MUS81: variants seen among roughly 807,000 people sequenced by gnomAD.
MUS81 encodes MUS81 structure-specific endonuclease subunit, also known as structure-specific endonuclease subunit MUS81.
Under a neutral mutation model 74.2 loss-of-function variants are expected in MUS81, and 69 were observed. That is an observed-to-expected ratio of 0.93 (90% CI 0.77 to 1.14). The LOEUF is 1.14. Among genes scored for constraint, MUS81 ranks in the 50% most tolerant of loss-of-function variants. The pLI, the probability that MUS81 is intolerant of heterozygous loss-of-function variation, is 0.00. For synonymous variants in MUS81, 303 were observed against 300.6 expected (o/e 1.01, Z -0.08); for missense variants, 711 against 726.5 (o/e 0.98, Z 0.25).
intron 12 of MUS81, 82 bp downstream of exon 12, chr11:65,864,897 A>C (rs1302091820): frequency 8.9e-6 from 14 of 1,579,692 alleles, no homozygotes; most frequent in Admixed American, 1.7e-5. Context: ...TCCCCAAAAG[A>C]AGCAAGGTGG....
intron 7 of MUS81, 66 bp downstream of exon 7, chr11:65,863,271 C>T (rs940802924): frequency 3.4e-5 from 54 of 1,578,610 alleles, no homozygotes; most frequent in East Asian, 2.0e-4. Flanking sequence ...GCCAAAGCCC[C>T]GCCCCAACCC....
chr11:65,864,106 C>A, intron 10 of MUS81: 1 of 616,216 alleles, frequency 1.6e-6, no homozygotes, highest in Non-Finnish European at 2.9e-6. Flanking sequence ...CATTCTTGGG[C>A]TGAGGTCAGG....
intron 14 of MUS81, 95 bp downstream of exon 14, chr11:65,865,418 T>G: frequency 7.8e-7 from 1 of 1,275,666 alleles, no homozygotes. Context: ...CCTGGCCTTG[T>G]GTGGGCTCTG....
rs1280075582 is a variant in MUS81, at chr11:65,864,498, TC to T, written c.1063del (p.Arg355GlyfsTer2). 4 of 1,613,900 alleles carry T rather than the reference TC, an allele frequency of 2.5e-6. No homozygotes were observed. Among genetic ancestry groups the T allele is most frequent in the Non-Finnish European group, 3.4e-6 (4 of 1,179,774 alleles). On this transcript the variant is annotated frameshift_variant and splice_region_variant, in exon 11 of 16. Coordinates refer to ENST00000308110, the MANE Select transcript of MUS81 (RefSeq NM_025128.5). LOFTEE classifies it high-confidence loss of function. ...TGTCCACTCTGTACACTTCCCTAGT[TC>T]CGGCTGAAGCGCTGTGGTCTGGAGC... ...IIDGRFREQK[F>X]RLKRCGLERR...
chr11:65,860,331 AGGTTAGTCC>A (rs1202743497), upstream of MUS81: 5 of 466,400 alleles, frequency 1.1e-5, no homozygotes, highest in African/African-American at 9.9e-5. Flanking sequence ...CGCCAAGCTC[AGGTTAGTCC>A]GTTAAGCGCC....
Position 65,863,371 on chromosome 11 carries a change from A to G in MUS81, c.747-39A>G, listed in dbSNP as rs955964992. Reference sequence around the variant, plus strand: ...GGGTGTGGGGCAACTGCCCTGGCACAAGGGGTTCTGGCCTCACATACCAAC... The same window carrying G: ...GGGTGTGGGGCAACTGCCCTGGCACGAGGGGTTCTGGCCTCACATACCAAC... On this transcript the variant is annotated intron_variant, in intron 7 of 15. Transcript: ENST00000308110. The G allele has an allele frequency of 2.5e-6, 4 of 1,612,064 alleles. No homozygotes were observed. The African/African-American group carries it at 5.3e-5, about 22-fold the overall frequency.
upstream of MUS81, chr11:65,860,225 C>T (rs978275250): frequency 2.2e-6 from 1 of 455,728 alleles, no homozygotes; most frequent in African/African-American, 2.0e-5. Flanking sequence ...TGTCTCCTAG[C>T]CCCCGCCTCT....
intron 9 of MUS81, 27 bp from the exon 10 acceptor site, chr11:65,863,777 G>A (rs201885963): frequency 3.7e-6 from 6 of 1,614,154 alleles, no homozygotes; most frequent in East Asian, 2.2e-5. Flanking sequence ...GTAGGGGATC[G>A]CAAGCTAACG....
intron 3 of MUS81, 47 bp downstream of exon 3, chr11:65,861,482 G>T (rs1449210702): frequency 6.6e-7 from 1 of 1,514,332 alleles, no homozygotes; most frequent in Non-Finnish European, 8.9e-7. Context: ...GAGTGCGGGA[G>T]TATGATTTTC....
chr11:65,865,743 G>A, intron 14 of MUS81, 68 bp from the exon 15 acceptor site: 1 of 1,497,630 alleles, frequency 6.7e-7, no homozygotes, highest in South Asian at 1.1e-5. Flanking sequence ...CCCTCTGCCT[G>A]GCCCCTCATG....
rs371353697 is a variant in MUS81 at position 65,864,633 on chromosome 11, C to CCAGG, written c.1176+33_1176+36dup. The CCAGG allele has an allele frequency of 1.6e-4, 266 of 1,612,582 alleles. No homozygotes were observed. In the African/African-American group the frequency reaches 3.2e-3, roughly 19 times the overall value. ...ACTCAGGTGAGCTGGGAGGGCAGGG[C>CCAGG]CAGGCAGGCAGGCAGGGGCCCCTGT... On this transcript the variant is annotated intron_variant, in intron 11 of 15. Transcript: ENST00000308110.
downstream of MUS81, chr11:65,866,748 G>C (rs763872698): frequency 4.6e-6 from 4 of 863,534 alleles, no homozygotes; most frequent in East Asian, 1.1e-4. Flanking sequence ...GGTGAACTTG[G>C]CCTGCCCCCC....
At position 65,864,488 on chromosome 11, in the gene MUS81, C is replaced by T. The variant is rs373801402; in HGVS notation, c.1060-9C>T. ...TGACCCTCCCTGTCCACTCTGTACA[C>T]TTCCCTAGTTCCGGCTGAAGCGCTG... On this transcript the variant is annotated splice_polypyrimidine_tract_variant and intron_variant, in intron 10 of 15. Coordinates refer to ENST00000308110, the MANE Select transcript of MUS81 (RefSeq NM_025128.5). The T allele has an allele frequency of 1.2e-6, 2 of 1,612,202 alleles. No individual in the cohort carries two copies. The highest frequency in any genetic ancestry group is 2.7e-5 in the African/African-American group (2 of 75,046).
intron 12 of MUS81, 42 bp downstream of exon 12, chr11:65,864,857 A>C: frequency 6.3e-7 from 1 of 1,595,330 alleles, no homozygotes; most frequent in South Asian, 1.1e-5. Flanking sequence ...CAGAGCCCAC[A>C]AGGAATTCAC....
At chr11:65,863,941 G>A (rs374790266) in intron 10 of MUS81, 40 bp downstream of exon 10, 32 of 1,600,552 alleles carry the variant, frequency 2.0e-5, no homozygotes, top group Non-Finnish European at 2.7e-5. Context: ...TGCCTGCTCC[G>A]AAGCCCCGTT....
At chr11:65,867,511 G>GAGC (rs1242677621), downstream of MUS81, 2 of 440,546 alleles carry the variant, frequency 4.5e-6, no homozygotes, top group Non-Finnish European at 8.4e-6. Context: ...AGCTCACTGT[G>GAGC]AGCCGCCCCT....
At chr11:65,862,105 G>C in intron 4 of MUS81, 60 bp downstream of exon 4, 1 of 1,593,440 alleles carries the variant, frequency 6.3e-7, no homozygotes, top group Admixed American at 1.7e-5. Flanking sequence ...GGTTCCCCGA[G>C]GGGCCTGGCC....
At chr11:65,862,631 G>GC (rs1168855334) in intron 6 of MUS81, 102 bp downstream of exon 6, 4 of 1,118,094 alleles carry the variant, frequency 3.6e-6, no homozygotes, top group Admixed American at 1.9e-5. Flanking sequence ...TGAGATTGGG[G>GC]GGGGTGGGCC....
At chr11:65,864,299 A>T in intron 10 of MUS81, 198 bp from the exon 11 acceptor site, 1 of 615,024 alleles carries the variant, frequency 1.6e-6, no homozygotes, top group Non-Finnish European at 2.9e-6. Context: ...AGAGATGGAG[A>T]AAAGGCTTTC....
Sources: gnomAD v4.1 joint callset for allele counts on GRCh38, gnomAD v4.1.1 for gene constraint, MANE v1.5 for transcripts, NCBI Gene and HGNC (gene_info 2026-07-23, HGNC 2026-07-21) for gene names.